The following NINL variants were observed in gnomAD, a reference collection of about 807,000 sequenced individuals.
NINL encodes ninein-like protein.
A neutral mutation model predicts 160.3 loss-of-function variants in NINL; 153 were observed. That is an observed-to-expected ratio of 0.95 (90% CI 0.84 to 1.09). The LOEUF is 1.09. Among genes scored for constraint, NINL ranks in the 50% least tolerant of loss-of-function variants. The probability of loss-of-function intolerance (pLI) is 0.00; values close to 1 mark genes in which losing one functional copy is unlikely to be tolerated. For synonymous variants in NINL, 800 were observed against 734.8 expected (o/e 1.09, Z -1.43); for missense variants, 1,829 against 1,764.0 (o/e 1.04, Z -0.66).
At chr20:25,465,023 A>G (rs2062878594) in intron 19 of NINL, among the ~76,000 whole-genome samples, 1 of 152,240 alleles carries the variant, frequency 6.6e-6, no homozygotes, top group Non-Finnish European at 1.5e-5. Context: ...TCACTGCAGA[A>G]GCCAACATGA....
Position 25,478,960 on chromosome 20 carries a change from G to A in NINL, c.2164C>T (p.Leu722=), listed in dbSNP as rs370600640. The A allele has an allele frequency of 6.3e-7, 1 of 1,586,074 alleles. No homozygotes were observed. Residue 722 remains leucine, a synonymous_variant, in exon 16 of 24, where the codon CTG becomes TTG. Transcript: ENST00000278886. The part of the protein sequence containing the change: ...APCCTQALCG[L]ALRHHSHLQQ... ...AGGTGGCTGTGATGCCGCAGGGCCA[G>A]GCCACACAGTGCCTGGGTGCAGCAG... is the stretch of plus-strand genomic sequence containing the variant.
At chr20:25,453,780 G>C (rs2090596392) in intron 23 of NINL, 138 bp from the exon 24 acceptor site, 2 of 712,674 alleles carry the variant, frequency 2.8e-6, no homozygotes, top group African/African-American at 1.8e-5. Context: ...GCCGGGGGCA[G>C]TGGTTCACGC....
chr20:25,460,708 G>A (rs115001917), intron 21 of NINL, among the ~76,000 whole-genome samples: 126 of 152,262 alleles, frequency 8.3e-4, no homozygotes, highest in African/African-American at 2.9e-3. Flanking sequence ...ATGCCCAGCT[G>A]ACCCCTCTGT....
intron 17 of NINL, among the ~76,000 whole-genome samples, chr20:25,475,235 C>A (rs779253739): frequency 6.6e-6 from 1 of 151,640 alleles, no homozygotes; most frequent in Non-Finnish European, 1.5e-5. Flanking sequence ...GGCCACACAG[C>A]GAGACTCTGT....
At chr20:25,490,104 C>A in intron 11 of NINL, 119 bp from the exon 12 acceptor site, 2 of 907,610 alleles carry the variant, frequency 2.2e-6, no homozygotes, top group Non-Finnish European at 3.5e-6. Context: ...CCCCCACCCA[C>A]CGCAGGCGAG....
chr20:25,480,687 T>TTTAGATAACCTTTCC (rs752053784), intron 14 of NINL, among the ~76,000 whole-genome samples: 6 of 152,154 alleles, frequency 3.9e-5, no homozygotes, highest in Non-Finnish European at 7.3e-5. Context: ...TATCTATCTA[T>TTTAGATAACCTTTCC]TTAGATAACC....
chr20:25,473,418 C>T (rs1387551435), intron 17 of NINL, among the ~76,000 whole-genome samples: 1 of 149,108 alleles, frequency 6.7e-6, no homozygotes, highest in Non-Finnish European at 1.5e-5. Flanking sequence ...GAGTTTGAGA[C>T]CAGCCTGGGC....
chr20:25,525,918 T>C (rs954757339), intron 2 of NINL, among the ~76,000 whole-genome samples: 14 of 152,222 alleles, frequency 9.2e-5, no homozygotes, highest in African/African-American at 1.4e-4. Context: ...GATGAAATTA[T>C]GGGATACTTT....
At chr20:25,524,122 G>A (rs1250366582) in intron 2 of NINL, among the ~76,000 whole-genome samples, 2 of 152,116 alleles carry the variant, frequency 1.3e-5, no homozygotes, top group Non-Finnish European at 2.9e-5. Flanking sequence ...CACCTATAGG[G>A]GCTGTGGGAG....
intron 1 of NINL, among the ~76,000 whole-genome samples, chr20:25,576,135 C>G (rs2065112168): frequency 6.6e-6 from 1 of 152,196 alleles, no homozygotes; most frequent in South Asian, 2.1e-4. Flanking sequence ...GTCCAGTTTC[C>G]AATTCAGAGA....
intron 1 of NINL, among the ~76,000 whole-genome samples, chr20:25,541,334 G>A (rs1003521877): frequency 3.9e-5 from 6 of 152,208 alleles, no homozygotes; most frequent in African/African-American, 9.7e-5. Context: ...ACTGAGACCC[G>A]TGCCTGATGG....
In NINL at chr20:25,525,749, T is replaced by G. The variant is rs556987898; in HGVS notation, c.180+659A>C. Among the ~76,000 whole-genome samples, 8 of 152,362 alleles carry G rather than the reference T, an allele frequency of 5.3e-5. No homozygotes were observed. In the East Asian group the frequency reaches 1.5e-3, roughly 29 times the overall value. Reference sequence around the variant, plus strand: ...CAAGATAAGGCACTGCTGTTAGCAGTAACATCCAGGCATGTTTAAGAAGTA... The same window carrying G: ...CAAGATAAGGCACTGCTGTTAGCAGGAACATCCAGGCATGTTTAAGAAGTA... On this transcript the variant is annotated intron_variant, in intron 2 of 23. Transcript: ENST00000278886.
At chr20:25,537,333 G>A (rs756807340) in intron 1 of NINL, among the ~76,000 whole-genome samples, 2 of 152,140 alleles carry the variant, frequency 1.3e-5, no homozygotes, top group South Asian at 2.1e-4. Flanking sequence ...TCCTTCTACC[G>A]GGGCCTCCCA....
At chr20:25,578,879 A>G (rs1568977052) in intron 1 of NINL, among the ~76,000 whole-genome samples, 1 of 151,814 alleles carries the variant, frequency 6.6e-6, no homozygotes, top group Admixed American at 6.6e-5. Context: ...AGTCATGCAC[A>G]TGCCTGTAGT....
intron 1 of NINL, among the ~76,000 whole-genome samples, chr20:25,552,246 T>C (rs1489492799): frequency 2.6e-5 from 4 of 151,860 alleles, no homozygotes; most frequent in Non-Finnish European, 4.4e-5. Context: ...AAAAATCTAC[T>C]AAAAGAGCTG....
At chr20:25,550,004 G>T (rs930527266) in intron 1 of NINL, among the ~76,000 whole-genome samples, 1 of 152,310 alleles carries the variant, frequency 6.6e-6, no homozygotes, top group East Asian at 1.9e-4. Context: ...ACAGTGAAAA[G>T]AACACATGAA....
chr20:25,512,651 A>C (rs1231799326), intron 4 of NINL, among the ~76,000 whole-genome samples, 183 bp downstream of exon 4: 1 of 152,234 alleles, frequency 6.6e-6, no homozygotes, highest in Admixed American at 6.5e-5. Context: ...TCCTGAAGAC[A>C]ACCAGACCCA....
rs768415557 is a variant in NINL, at chr20:25,526,390, A to T, written c.180+18T>A. 1.3e-6 allele frequency: 2 copies of T among 1,597,656 alleles called. No homozygotes were observed. Among genetic ancestry groups the T allele is most frequent in the African/African-American group, 2.7e-5 (2 of 74,504 alleles). On this transcript the variant is annotated intron_variant, in intron 2 of 23. Coordinates refer to ENST00000278886, the MANE Select transcript of NINL (RefSeq NM_025176.6). ...AGACCCCGTGCTTTCCTTTATGACA[A>T]TGAAGTCCAACACTCACCCTGGCGA...
chr20:25,531,449 T>G (rs551383675), intron 1 of NINL, among the ~76,000 whole-genome samples: 152 of 152,304 alleles, frequency 1.0e-3, no homozygotes, highest in African/African-American at 3.2e-3. Context: ...GTGATAAGTG[T>G]CCATGAAATC....
Sources: allele counts gnomAD v4.1 joint callset (sites outside exome capture counted in the v4.1 genomes callset), GRCh38; gene constraint gnomAD v4.1.1; transcripts MANE v1.5; gene names NCBI Gene and HGNC (gene_info 2026-07-23, HGNC 2026-07-21).